The following METTL24 variants were observed in gnomAD, a reference collection of about 807,000 sequenced individuals.
The protein encoded by METTL24 is probable methyltransferase-like protein 24.
Under a neutral mutation model 32.7 loss-of-function variants are expected in METTL24, and 29 were observed. That is an observed-to-expected ratio of 0.89 (90% CI 0.66 to 1.21). The LOEUF (loss-of-function observed/expected upper bound fraction) is 1.21. Ranked by LOEUF, METTL24 falls within the 50% of genes most tolerant of loss-of-function variation. METTL24 has a pLI of 0.00. For missense variants in METTL24, 439 were observed against 468.1 expected (o/e 0.94, Z 0.57); for synonymous variants, 163 against 179.5 (o/e 0.91, Z 0.73).
At chr6:110,252,305 G>T (rs999872305) in intron 4 of METTL24, among the ~76,000 whole-genome samples, 113 of 152,322 alleles carry the variant, frequency 7.4e-4, no homozygotes, top group Middle Eastern at 3.4e-3. Flanking sequence ...GTGTCAGCAG[G>T]TTTGGTTTCT....
At position 110,358,111 on chromosome 6, in the gene METTL24, A is replaced by G. The variant is rs1772736730; in HGVS notation, c.162T>C (p.Pro54=). The G allele has an allele frequency of 9.7e-7, 1 of 1,034,412 alleles. No individual in the cohort carries two copies. The highest frequency in any genetic ancestry group is 4.4e-5 in the South Asian group (1 of 22,572). The allele number at this position is 1,034,412 out of a possible 1,614,324, so 64.1% of individuals were successfully genotyped here. A position where few individuals can be genotyped will look rare whatever the true frequency, so the allele number is the denominator to read the frequency against. Residue 54 remains proline, a synonymous_variant, in exon 1 of 5, where the codon CCT becomes CCC. Transcript: ENST00000338882. The part of the protein sequence containing the change: ...SAPPGPAWRP[P]GPHLPPAPGQ... ...CCGGCGCGGGCGGCAGGTGCGGCCC[A>G]GGTGGCCGCCAGGCCGGGCCCGGCG...
chr6:110,327,662 CT>C lies in METTL24; in HGVS notation c.319-4791del, dbSNP rs78798373. ...TGGAAACCGCTAGCTTTTATCATCT[CT>C]TTCAATTATCATTTGTCTTAATTCT... On this transcript the variant is annotated intron_variant, in intron 1 of 4. Coordinates refer to ENST00000338882, the MANE Select transcript of METTL24 (RefSeq NM_001123364.3). 1.1e-4 allele frequency among the ~76,000 whole-genome samples: 16 copies of C among 152,328 alleles called. No homozygotes were observed. In the East Asian group the frequency reaches 3.1e-3, roughly 29 times the overall value.
chr6:110,302,635 A>T (rs1311765982), intron 3 of METTL24, among the ~76,000 whole-genome samples: 2 of 134,906 alleles, frequency 1.5e-5, no homozygotes, highest in Non-Finnish European at 3.0e-5. Context: ...ACACATATAC[A>T]CACACATATG....
intron 3 of METTL24, among the ~76,000 whole-genome samples, chr6:110,307,388 A>G (rs1210577904): frequency 1.3e-5 from 2 of 152,258 alleles, no homozygotes; most frequent in Non-Finnish European, 2.9e-5. Context: ...AACTAGAAGG[A>G]GAATACATTA....
chr6:110,244,609 T>A lies in METTL24; in HGVS notation c.*1337A>T, dbSNP rs1205587164. The stretch of plus-strand genomic sequence containing the variant: ...GGTGGAAGGGGAAGCAAACACATCC[T>A]TCTTCATATGGCAGCAGGAAGGAGA... On this transcript the variant is annotated 3_prime_UTR_variant, in exon 5 of 5. Coordinates refer to ENST00000338882, the MANE Select transcript of METTL24 (RefSeq NM_001123364.3). Among the ~76,000 whole-genome samples the A allele has an allele frequency of 6.6e-6, 1 of 152,124 alleles. No homozygotes were observed. Among genetic ancestry groups the A allele is most frequent in the African/African-American group, 2.4e-5 (1 of 41,420 alleles).
chr6:110,310,307 C>T (rs1232029257), intron 3 of METTL24, among the ~76,000 whole-genome samples: 2 of 152,090 alleles, frequency 1.3e-5, no homozygotes, highest in African/African-American at 4.8e-5. Context: ...ATGTATTAGC[C>T]CTTTTCAAAT....
chr6:110,282,078 C>A (rs1386931842), intron 4 of METTL24, among the ~76,000 whole-genome samples: 1 of 152,102 alleles, frequency 6.6e-6, no homozygotes. Context: ...CTGTTTGAAA[C>A]ACACACCAGT....
intron 4 of METTL24, among the ~76,000 whole-genome samples, chr6:110,248,730 G>T (rs1190310544): frequency 1.3e-5 from 2 of 151,118 alleles, no homozygotes; most frequent in African/African-American, 4.9e-5. Context: ...GACAACCTTG[G>T]ACAATATAGT....
At position 110,297,932 on chromosome 6, in the gene METTL24, AGAG is replaced by A. The variant is rs563025452; in HGVS notation, c.786+987_786+989del. ...TATCTAAAGGTTGTTTAAAGGATGAAGAGGAGGAGGAGGAAGAAGAAGAGGGGG... is the reference window on the plus strand; with the variant it reads ...TATCTAAAGGTTGTTTAAAGGATGAAGAGGAGGAGGAAGAAGAAGAGGGGG... On this transcript the variant is annotated intron_variant, in intron 4 of 4. Coordinates refer to ENST00000338882, the MANE Select transcript of METTL24 (RefSeq NM_001123364.3). 1.8e-3 allele frequency among the ~76,000 whole-genome samples: 272 copies of A among 152,224 alleles called. 4 individuals are homozygous for A. The highest frequency in any genetic ancestry group is 7.8e-4 in the Non-Finnish European group (53 of 68,000).
At chr6:110,337,080 A>G (rs549786991) in intron 1 of METTL24, among the ~76,000 whole-genome samples, 1 of 152,376 alleles carries the variant, frequency 6.6e-6, no homozygotes, top group Admixed American at 6.5e-5. Context: ...ACCATGAAAT[A>G]CTATGCAGCC....
chr6:110,267,032 G>C (rs1770869339), intron 4 of METTL24, among the ~76,000 whole-genome samples: 1 of 151,992 alleles, frequency 6.6e-6, no homozygotes, highest in Non-Finnish European at 1.5e-5. Context: ...TCACTTGAGG[G>C]ACCTGCTTTT....
intron 4 of METTL24, among the ~76,000 whole-genome samples, chr6:110,275,133 C>G (rs1771026027): frequency 6.6e-6 from 1 of 151,686 alleles, no homozygotes; most frequent in African/African-American, 2.4e-5. Flanking sequence ...TATGTCTACT[C>G]TCTCAAGAGA....
At chr6:110,299,398 CG>C (rs1173598886) in intron 3 of METTL24, among the ~76,000 whole-genome samples, 20 of 152,014 alleles carry the variant, frequency 1.3e-4, no homozygotes, top group African/African-American at 4.8e-4. Flanking sequence ...AACATGTAGG[CG>C]CATCATCAAA....
Position 110,245,944 on chromosome 6 carries a change from T to A in METTL24, c.*2A>T. ...CTTGTGCTCTTGATGACATCCTGCA[T>A]CCTATTTCCATCTTGTATTCACCCA... is the stretch of plus-strand genomic sequence containing the variant. On this transcript the variant is annotated 3_prime_UTR_variant, in exon 5 of 5. Coordinates refer to ENST00000338882, the MANE Select transcript of METTL24 (RefSeq NM_001123364.3). 6.2e-7 allele frequency: 1 copy of A among 1,605,206 alleles called. No homozygotes were observed. The highest frequency in any genetic ancestry group is 8.5e-7 in the Non-Finnish European group (1 of 1,175,022).
At chr6:110,336,369 C>G (rs1216362208) in intron 1 of METTL24, among the ~76,000 whole-genome samples, 1 of 152,176 alleles carries the variant, frequency 6.6e-6, no homozygotes, top group Non-Finnish European at 1.5e-5. Context: ...AATCAAACAC[C>G]CACATGAATG....
At chr6:110,249,154 T>A (rs931624292) in intron 4 of METTL24, among the ~76,000 whole-genome samples, 4 of 151,994 alleles carry the variant, frequency 2.6e-5, no homozygotes, top group African/African-American at 9.7e-5. Context: ...ATTAGTGATG[T>A]ATAAGGAATA....
At chr6:110,266,340 T>C (rs1489453120) in intron 4 of METTL24, among the ~76,000 whole-genome samples, 2 of 152,178 alleles carry the variant, frequency 1.3e-5, no homozygotes, top group East Asian at 1.9e-4. Flanking sequence ...GAAACATTAT[T>C]GGGATTTCAA....
Position 110,358,329 on chromosome 6 carries a change from C to G in METTL24, c.-57G>C. ...CTGGCCGGCAGCAGGGATGTAGCCC[C>G]ACAGGCCGGAGCGGCCAACTGTGGG... is the stretch of plus-strand genomic sequence containing the variant. On this transcript the variant is annotated 5_prime_UTR_variant, in exon 1 of 5. Coordinates refer to ENST00000338882, the MANE Select transcript of METTL24 (RefSeq NM_001123364.3). The G allele has an allele frequency of 7.6e-7, 1 of 1,307,276 alleles. No individual in the cohort carries two copies. The highest frequency in any genetic ancestry group is 9.9e-7 in the Non-Finnish European group (1 of 1,012,554). The allele number at this position is 1,307,276 out of a possible 1,614,324, so 81.0% of individuals were successfully genotyped here.
At chr6:110,345,715 G>C (rs1562244732) in intron 1 of METTL24, among the ~76,000 whole-genome samples, 1 of 152,158 alleles carries the variant, frequency 6.6e-6, no homozygotes, top group African/African-American at 2.4e-5. Flanking sequence ...TTGTAAATGG[G>C]AGCTAATGAT....
Sources: allele counts gnomAD v4.1 joint callset (sites outside exome capture counted in the v4.1 genomes callset), GRCh38; gene constraint gnomAD v4.1.1; transcripts MANE v1.5; gene names NCBI Gene and HGNC (gene_info 2026-07-23, HGNC 2026-07-21).